Variants in TRPC7 observed in about 807,000 individuals in gnomAD.
TRPC7 encodes the protein short transient receptor potential channel 7.
In TRPC7, 42 loss-of-function variants were observed where a neutral mutation model predicts 90.1. The observed-to-expected ratio is 0.47, with a 90% CI of 0.36 to 0.60. The LOEUF (loss-of-function observed/expected upper bound fraction) is 0.60. TRPC7 is among the 20% of genes least tolerant of loss of function. The pLI, the probability that TRPC7 is intolerant of heterozygous loss-of-function variation, is 0.00. For synonymous variants in TRPC7, 451 were observed against 436.3 expected, an observed-to-expected ratio of 1.03 and a Z score of -0.42; for missense variants, 955 against 1,112.3, an observed-to-expected ratio of 0.86 and a Z score of 2.01.
chr5:136,223,469 C>T (rs188440191), intron 10 of TRPC7, among the ~76,000 whole-genome samples: 1 of 151,764 alleles, frequency 6.6e-6, no homozygotes, highest in South Asian at 2.1e-4. Context: ...CAAAATTAGC[C>T]AGGCATGGTG....
intron 1 of TRPC7, 134 bp downstream of exon 1, chr5:136,365,119 G>T: frequency 2.0e-6 from 2 of 1,021,918 alleles, no homozygotes; most frequent in Non-Finnish European, 2.8e-6. Context: ...AAAGATCTCA[G>T]ATCCATCTAA....
intron 1 of TRPC7, 60 bp downstream of exon 1, chr5:136,365,193 G>T (rs376682627): frequency 6.6e-7 from 1 of 1,520,756 alleles, no homozygotes; most frequent in Non-Finnish European, 8.8e-7. Flanking sequence ...ATATTTTAGC[G>T]AGAACACAAC....
chr5:136,328,174 G>A (rs892658223), intron 2 of TRPC7, among the ~76,000 whole-genome samples: 40 of 152,242 alleles, frequency 2.6e-4, no homozygotes, highest in African/African-American at 8.7e-4. Flanking sequence ...TGCAGAGACC[G>A]ACAACATTTA....
At chr5:136,318,516 T>A (rs1020140219) in intron 2 of TRPC7, among the ~76,000 whole-genome samples, 2 of 152,104 alleles carry the variant, frequency 1.3e-5, no homozygotes, top group Non-Finnish European at 2.9e-5. Context: ...CTTCCTTGGA[T>A]ATTTAGCCTG....
rs1394298678 is a variant in TRPC7 at position 136,365,328 on chromosome 5, C to T, written c.-74G>A. ...GGTGTTGAGTCGCCAGAAGCTGGCT[C>T]CCCATGGGTGGTAGCCAAGGATGTA... is the stretch of plus-strand genomic sequence containing the variant. On this transcript the variant is annotated 5_prime_UTR_variant, in exon 1 of 12. Transcript: ENST00000513104. The T allele has an allele frequency of 2.5e-5, 37 of 1,472,414 alleles. No individual in the cohort carries two copies. Among genetic ancestry groups the T allele is most frequent in the Non-Finnish European group, 3.1e-5 (34 of 1,088,058 alleles). The allele number at this position is 1,472,414 out of a possible 1,614,324, so 91.2% of individuals were successfully genotyped here.
intron 9 of TRPC7, 80 bp from the exon 10 acceptor site, chr5:136,225,434 G>A: frequency 1.4e-6 from 2 of 1,393,054 alleles, no homozygotes; most frequent in Non-Finnish European, 9.9e-7. Flanking sequence ...GACTTGAACA[G>A]TATCCATATA....
intron 3 of TRPC7, among the ~76,000 whole-genome samples, chr5:136,293,618 C>T (rs1013102395): frequency 2.0e-5 from 3 of 152,094 alleles, no homozygotes; most frequent in African/African-American, 7.2e-5. Flanking sequence ...GAACTACAAA[C>T]CACTGCTCAA....
chr5:136,348,433 G>T (rs538292991), intron 2 of TRPC7, among the ~76,000 whole-genome samples: 2 of 152,116 alleles, frequency 1.3e-5, no homozygotes, highest in South Asian at 4.1e-4. Flanking sequence ...TTATTCCATT[G>T]GGTTTCATTT....
At chr5:136,315,466 T>C in intron 3 of TRPC7, 131 bp downstream of exon 3, 1 of 971,204 alleles carries the variant, frequency 1.0e-6, no homozygotes, top group Non-Finnish European at 1.5e-6. Context: ...GCTAGCTCCC[T>C]GTCTAAAGAG....
chr5:136,356,258 GGTCCTTAGGT>G (rs1167596867), intron 2 of TRPC7, among the ~76,000 whole-genome samples: 1 of 152,208 alleles, frequency 6.6e-6, no homozygotes, highest in South Asian at 2.1e-4. Flanking sequence ...AATAACCACA[GGTCCTTAGGT>G]GTCCTAGACA....
At chr5:136,301,152 G>A (rs139211248) in intron 3 of TRPC7, among the ~76,000 whole-genome samples, 3 of 151,992 alleles carry the variant, frequency 2.0e-5, no homozygotes, top group East Asian at 1.9e-4. Context: ...TCAGCCTCCC[G>A]AGTAGCTGGG....
intron 1 of TRPC7, among the ~76,000 whole-genome samples, chr5:136,357,735 G>A (rs1288288746): frequency 2.0e-5 from 3 of 152,210 alleles, no homozygotes; most frequent in Non-Finnish European, 2.9e-5. Context: ...TTTTATTTCC[G>A]TTTATATAAA....
intron 2 of TRPC7, among the ~76,000 whole-genome samples, chr5:136,352,830 G>A (rs1253442506): frequency 6.6e-6 from 1 of 152,180 alleles, no homozygotes; most frequent in African/African-American, 2.4e-5. Context: ...GCTATTTAAT[G>A]TGTATGGACT....
intron 3 of TRPC7, 23 bp from the exon 4 acceptor site, chr5:136,274,860 AAAAC>A (rs1284739332): frequency 4.5e-6 from 7 of 1,550,200 alleles, no homozygotes; most frequent in Non-Finnish European, 5.2e-6. Flanking sequence ...AACAAAAACA[AAAAC>A]AAAACGCAAA....
At chr5:136,296,108 GTGGTGTGGTGTGGTA>G (rs555205115) in intron 3 of TRPC7, among the ~76,000 whole-genome samples, 2 of 152,182 alleles carry the variant, frequency 1.3e-5, no homozygotes, top group East Asian at 1.9e-4. Context: ...AAGGATATTT[GTGGTGTGGTGTGGTA>G]TGGTGTGGTG....
At position 136,215,822 on chromosome 5, in the gene TRPC7, CA is replaced by C. The variant is rs567520289; in HGVS notation, c.2419+377del. On this transcript the variant is annotated intron_variant, in intron 11 of 11. Transcript: ENST00000513104. ...TGGGCAACAGAGTGAGACTCCATCTCAAAAAAAAAAAAAAAAATGGTGGAGG... is the reference window on the plus strand; with the variant it reads ...TGGGCAACAGAGTGAGACTCCATCTCAAAAAAAAAAAAAAAATGGTGGAGG... Among the ~76,000 whole-genome samples the C allele has an allele frequency of 2.6e-3, 294 of 115,230 alleles. 1 individual carries two copies. The highest frequency in any genetic ancestry group is 0.024 in the East Asian group (97 of 4,006). 75.6% of individuals were successfully genotyped at this position (115,230 alleles called of 152,430 possible).
chr5:136,353,202 A>C (rs905091597), intron 2 of TRPC7, among the ~76,000 whole-genome samples: 1 of 152,212 alleles, frequency 6.6e-6, no homozygotes, highest in African/African-American at 2.4e-5. Context: ...AACTCCAGCC[A>C]CAATTTGCTG....
At chr5:136,278,346 G>A (rs2149816910) in intron 3 of TRPC7, among the ~76,000 whole-genome samples, 1 of 152,336 alleles carries the variant, frequency 6.6e-6, no homozygotes, top group Non-Finnish European at 1.5e-5. Context: ...CTTTCAAATT[G>A]CAAATCTGGT....
chr5:136,295,834 C>T (rs1038572325), intron 3 of TRPC7, among the ~76,000 whole-genome samples: 12 of 152,268 alleles, frequency 7.9e-5, no homozygotes, highest in East Asian at 1.9e-4. Flanking sequence ...TCCAAAATGA[C>T]GGATATACAT....
Sources: gnomAD v4.1 joint callset for allele counts (sites outside exome capture counted in the v4.1 genomes callset) on GRCh38, gnomAD v4.1.1 for gene constraint, MANE v1.5 for transcripts, NCBI Gene and HGNC (gene_info 2026-07-23, HGNC 2026-07-21) for gene names.